FHIP1A: variants seen among roughly 807,000 people sequenced by gnomAD.
The protein encoded by FHIP1A is FHF complex subunit HOOK interacting protein 1A, also known as FHF complex subunit HOOK-interacting protein 1A.
Under a neutral mutation model 88.6 loss-of-function variants are expected in FHIP1A, and 61 were observed. That is an observed-to-expected ratio of 0.69 (90% CI 0.56 to 0.85). FHIP1A has a LOEUF of 0.85. FHIP1A is among the 40% of genes least tolerant of loss of function. The pLI is 0.00. For synonymous variants in FHIP1A, 478 were observed against 496.0 expected (o/e 0.96, Z 0.48); for missense variants, 1,154 against 1,273.5 (o/e 0.91, Z 1.43).
intron 3 of FHIP1A, among the ~76,000 whole-genome samples, chr4:151,498,752 T>C (rs1414974353): frequency 6.6e-6 from 1 of 152,100 alleles, no homozygotes; most frequent in Non-Finnish European, 1.5e-5. Context: ...GAGGCAGAGC[T>C]TGGCAGTGAG....
chr4:151,572,888 A>C (rs1483041983), intron 4 of FHIP1A, among the ~76,000 whole-genome samples: 1 of 152,214 alleles, frequency 6.6e-6, no homozygotes, highest in Admixed American at 6.5e-5. Flanking sequence ...CCTGAAGGGT[A>C]ATCATTTGTA....
intron 3 of FHIP1A, among the ~76,000 whole-genome samples, chr4:151,561,398 T>C (rs1470012756): frequency 1.3e-5 from 2 of 152,164 alleles, no homozygotes; most frequent in African/African-American, 2.4e-5. Flanking sequence ...CCCTGTGATA[T>C]TGTGGTGAGA....
At chr4:151,537,243 A>G (rs1732103624) in intron 3 of FHIP1A, among the ~76,000 whole-genome samples, 1 of 151,730 alleles carries the variant, frequency 6.6e-6, no homozygotes, top group Admixed American at 6.6e-5. Context: ...TCTTACCAGC[A>G]AGTGATCTAG....
At chr4:151,530,685 C>T (rs973616871) in intron 3 of FHIP1A, among the ~76,000 whole-genome samples, 2 of 152,184 alleles carry the variant, frequency 1.3e-5, no homozygotes, top group African/African-American at 4.8e-5. Context: ...CTCCTCCCCT[C>T]TTTTGACATG....
intron 3 of FHIP1A, among the ~76,000 whole-genome samples, chr4:151,521,264 T>C (rs909117057): frequency 3.9e-5 from 6 of 152,176 alleles, no homozygotes; most frequent in African/African-American, 1.4e-4. Flanking sequence ...TTTTAAGTGT[T>C]TGTGATTCTT....
At chr4:151,636,416 CAATTCAATAAGAA>C (rs1736353703) in intron 8 of FHIP1A, among the ~76,000 whole-genome samples, 3 of 151,730 alleles carry the variant, frequency 2.0e-5, no homozygotes, top group Admixed American at 2.0e-4. Flanking sequence ...CTAGCCAGGG[CAATTCAATAAGAA>C]AATGAAATAA....
intron 1 of FHIP1A, among the ~76,000 whole-genome samples, chr4:151,422,549 G>A (rs544906031): frequency 3.3e-5 from 5 of 152,062 alleles, no homozygotes; most frequent in Non-Finnish European, 5.9e-5. Flanking sequence ...ACCACGTCCA[G>A]CTAATTTTAA....
At chr4:151,472,649 A>G (rs1342494278) in intron 2 of FHIP1A, among the ~76,000 whole-genome samples, 1 of 134,070 alleles carries the variant, frequency 7.5e-6, no homozygotes, top group Non-Finnish European at 1.6e-5. Flanking sequence ...TGTAGCAACT[A>G]CTTCATTGTC....
chr4:151,423,012 A>G (rs982022571), intron 1 of FHIP1A, among the ~76,000 whole-genome samples: 41 of 152,050 alleles, frequency 2.7e-4, no homozygotes, highest in Non-Finnish European at 4.4e-5. Context: ...GAGAGTGATC[A>G]ATAACTATTA....
chr4:151,643,817 A>G (rs1439916833), intron 9 of FHIP1A, among the ~76,000 whole-genome samples: 1 of 152,226 alleles, frequency 6.6e-6, no homozygotes, highest in Non-Finnish European at 1.5e-5. Context: ...CTTTCAACCA[A>G]TAGGGGATCT....
intron 3 of FHIP1A, among the ~76,000 whole-genome samples, chr4:151,509,377 G>A (rs1730944470): frequency 6.6e-6 from 1 of 151,902 alleles, no homozygotes; most frequent in Admixed American, 6.6e-5. Context: ...ACATTAGCCA[G>A]GATGGTCTCG....
At chr4:151,433,826 T>C (rs1733692175) in intron 1 of FHIP1A, among the ~76,000 whole-genome samples, 1 of 152,210 alleles carries the variant, frequency 6.6e-6, no homozygotes, top group South Asian at 2.1e-4. Flanking sequence ...ACTATGTCTC[T>C]TGAAAAATTG....
intron 11 of FHIP1A, among the ~76,000 whole-genome samples, chr4:151,651,521 G>T (rs1331632782): frequency 6.6e-6 from 1 of 152,148 alleles, no homozygotes; most frequent in Non-Finnish European, 1.5e-5. Context: ...TTGAGTCCTG[G>T]TTCTAGCATT....
chr4:151,410,431 A>G (rs1732578360), intron 1 of FHIP1A, among the ~76,000 whole-genome samples: 1 of 152,226 alleles, frequency 6.6e-6, no homozygotes, highest in Admixed American at 6.5e-5. Context: ...CTGTGCTATC[A>G]AATTCATCTC....
At chr4:151,529,123 A>G (rs904117503) in intron 3 of FHIP1A, among the ~76,000 whole-genome samples, 1 of 152,078 alleles carries the variant, frequency 6.6e-6, no homozygotes, top group African/African-American at 2.4e-5. Context: ...GGCCTCTTTC[A>G]CAGGTGGGTG....
chr4:151,536,192 A>G (rs1732061908), intron 3 of FHIP1A, among the ~76,000 whole-genome samples: 1 of 152,308 alleles, frequency 6.6e-6, no homozygotes, highest in Admixed American at 6.5e-5. Flanking sequence ...GATCCTTCCT[A>G]CACTTTGCCC....
chr4:151,628,681 C>T (rs1253939506), intron 7 of FHIP1A, among the ~76,000 whole-genome samples: 1 of 152,130 alleles, frequency 6.6e-6, no homozygotes, highest in African/African-American at 2.4e-5. Flanking sequence ...GCATTTGACT[C>T]ATGGTGGAGG....
At chr4:151,555,120 C>T (rs1313805470) in intron 3 of FHIP1A, among the ~76,000 whole-genome samples, 1 of 152,028 alleles carries the variant, frequency 6.6e-6, no homozygotes, top group African/African-American at 2.4e-5. Context: ...TTGTTTGATT[C>T]CCCCAGAGGC....
At chr4:151,599,762 G>A (rs1265401038) in intron 7 of FHIP1A, among the ~76,000 whole-genome samples, 1 of 152,168 alleles carries the variant, frequency 6.6e-6, no homozygotes, top group Non-Finnish European at 1.5e-5. Context: ...AGTCTGCAAG[G>A]TGCATTTCCA....
Sources: allele counts gnomAD v4.1 joint callset (sites outside exome capture counted in the v4.1 genomes callset), GRCh38; gene constraint gnomAD v4.1.1; transcripts MANE v1.5; gene names NCBI Gene and HGNC (gene_info 2026-07-23, HGNC 2026-07-21).